CSRP1: variants seen among roughly 807,000 people sequenced by gnomAD.
The protein encoded by CSRP1 is cysteine and glycine-rich protein 1.
CSRP1 carries 16 observed loss-of-function variants against 25.4 expected under a neutral mutation model. The ratio of observed to expected loss-of-function variants is 0.63; its 90% CI spans 0.43 to 0.96. The LOEUF is 0.96. Among genes scored for constraint, CSRP1 ranks in the 40% least tolerant of loss-of-function variants. The pLI is 0.00. For synonymous variants in CSRP1, 97 were observed against 95.3 expected (o/e 1.02, Z -0.10); for missense variants, 212 against 243.6 (o/e 0.87, Z 0.86).
intron 4 of CSRP1, chr1:201,488,301 G>C (rs1477099467): frequency 6.6e-6 from 1 of 152,310 alleles, no homozygotes. Context: ...TGGGGGAAGG[G>C]CATGTGCGGC....
rs375126945 is a variant in CSRP1, at chr1:201,498,004, C to T, written c.-1-1700G>A. On this transcript the variant is annotated intron_variant, in intron 1 of 5. Transcript: ENST00000340006. ...CAGCCCGGACGACAGAGCAAGACTC[C>T]GTCTCAAAAAAAAAAAAGGATAAAA... is the stretch of plus-strand genomic sequence containing the variant. Among the ~76,000 whole-genome samples, 197 of 149,756 alleles carry T rather than the reference C, an allele frequency of 1.3e-3. 1 individual carries two copies. Among genetic ancestry groups the T allele is most frequent in the African/African-American group, 4.7e-3 (192 of 40,644 alleles).
Position 201,492,190 on chromosome 1 carries a change from C to T in CSRP1, c.113-1846G>A, listed in dbSNP as rs1041610559. ...CCAAGACCAGAGAGAAGGCAGAAAG[C>T]AAAGAGTGCTTGGGGGAACAGAGGT... On this transcript the variant is annotated intron_variant, in intron 2 of 5. Transcript: ENST00000340006. The T allele has an allele frequency of 1.1e-4, 17 of 152,270 alleles. 1 individual carries two copies. The highest frequency in any genetic ancestry group is 3.9e-4 in the African/African-American group (16 of 41,452). 9.4% of individuals were successfully genotyped at this position (152,270 alleles called of 1,614,324 possible). A position where few individuals can be genotyped will look rare whatever the true frequency, so the allele number is the denominator to read the frequency against.
chr1:201,504,650 G>T (rs992422673), intron 1 of CSRP1, among the ~76,000 whole-genome samples: 13 of 152,184 alleles, frequency 8.5e-5, no homozygotes, highest in African/African-American at 3.1e-4. Context: ...GATGGACAGT[G>T]AATTAAAAAC....
At chr1:201,503,169 A>G (rs1052722051) in intron 1 of CSRP1, among the ~76,000 whole-genome samples, 1 of 152,192 alleles carries the variant, frequency 6.6e-6, no homozygotes, top group Non-Finnish European at 1.5e-5. Context: ...CTGAAGGTCA[A>G]CACAGGTAGA....
intron 1 of CSRP1, among the ~76,000 whole-genome samples, chr1:201,499,597 A>G (rs1664607118): frequency 7.0e-6 from 1 of 142,072 alleles, no homozygotes; most frequent in African/African-American, 3.1e-5. Flanking sequence ...TATGCATCAG[A>G]TGGCTCATCT....
At chr1:201,499,008 T>C (rs750194347) in intron 1 of CSRP1, among the ~76,000 whole-genome samples, 1 of 152,218 alleles carries the variant, frequency 6.6e-6, no homozygotes, top group Non-Finnish European at 1.5e-5. Context: ...CAGGAATTTC[T>C]GTAACTGCTC....
At position 201,486,632 on chromosome 1, in the gene CSRP1, T is replaced by G. The variant is rs59033205; in HGVS notation, c.412-1256A>C. On this transcript the variant is annotated intron_variant, in intron 4 of 5. Transcript: ENST00000340006. ...CAAGCTCTCTAGGCTGGAGAAAAAC[T>G]GAATCACACCTAGACCAACACCTCT... is the stretch of plus-strand genomic sequence containing the variant. 5.7e-3 allele frequency: 5,763 copies of G among 1,007,506 alleles called. 257 individuals carry two copies. The African/African-American group carries it at 0.093, about 16-fold the overall frequency. The allele number at this position is 1,007,506 out of a possible 1,614,324, so 62.4% of individuals were successfully genotyped here. A position where few individuals can be genotyped will look rare whatever the true frequency, so the allele number is the denominator to read the frequency against.
At chr1:201,500,647 T>C (rs927733070) in intron 1 of CSRP1, among the ~76,000 whole-genome samples, 9 of 152,202 alleles carry the variant, frequency 5.9e-5, no homozygotes, top group African/African-American at 2.2e-4. Context: ...GTGGATGAGG[T>C]CCTGTCCCCC....
In CSRP1 at chr1:201,484,677, G is replaced by T; in HGVS notation, c.*36C>A. 1 of 1,571,524 alleles carries T rather than the reference G, an allele frequency of 6.4e-7. No individual in the cohort carries two copies. The highest frequency in any genetic ancestry group is 1.8e-5 in the Admixed American group (1 of 56,162). ...TGGGAATGGAATGGCGATGAAAAGC[G>T]CAGGAGTGGGCAGGGTGTGGTGGGT... On this transcript the variant is annotated 3_prime_UTR_variant, in exon 6 of 6. Transcript: ENST00000340006.
At chr1:201,499,288 T>G (rs1316672690) in intron 1 of CSRP1, among the ~76,000 whole-genome samples, 2 of 152,190 alleles carry the variant, frequency 1.3e-5, no homozygotes, top group Admixed American at 1.3e-4. Context: ...AAAACCCCGA[T>G]TTTATTCAGG....
At chr1:201,501,091 C>T (rs1371933464) in intron 1 of CSRP1, among the ~76,000 whole-genome samples, 1 of 152,106 alleles carries the variant, frequency 6.6e-6, no homozygotes, top group South Asian at 2.1e-4. Flanking sequence ...TAAAATGGAC[C>T]GTATATGGAC....
chr1:201,505,127 A>G (rs1264210404), intron 1 of CSRP1, among the ~76,000 whole-genome samples: 1 of 152,138 alleles, frequency 6.6e-6, no homozygotes, highest in Non-Finnish European at 1.5e-5. Flanking sequence ...AAGCCCAAAA[A>G]AAACCTACGC....
rs185103312 is a variant in CSRP1 at position 201,505,356 on chromosome 1, C to T, written c.-2+1714G>A. Among the ~76,000 whole-genome samples the T allele has an allele frequency of 6.8e-4, 104 of 152,328 alleles. No homozygotes were observed. The East Asian group carries it at 0.012, about 18-fold the overall frequency. On this transcript the variant is annotated intron_variant, in intron 1 of 5. Coordinates refer to ENST00000340006, the MANE Select transcript of CSRP1 (RefSeq NM_004078.3). ...CTCACTAGCTCCAGAGGCAGATGCA[C>T]ATGTGTGCAATTAAAAGAGCAAACA... is the stretch of plus-strand genomic sequence containing the variant.
intron 2 of CSRP1, among the ~76,000 whole-genome samples, chr1:201,494,827 C>T (rs76933573): frequency 3.2e-5 from 4 of 126,776 alleles, no homozygotes; most frequent in South Asian, 2.5e-4. Flanking sequence ...CAGCAGTGTG[C>T]GTGTGTGTGT....
At chr1:201,495,368 G>A (rs891276473) in intron 2 of CSRP1, among the ~76,000 whole-genome samples, 1 of 152,184 alleles carries the variant, frequency 6.6e-6, no homozygotes, top group African/African-American at 2.4e-5. Flanking sequence ...GTGACAGAGT[G>A]AGACTCTGTC....
intron 2 of CSRP1, among the ~76,000 whole-genome samples, chr1:201,495,000 C>G (rs1664465206): frequency 6.6e-6 from 1 of 152,164 alleles, no homozygotes; most frequent in Admixed American, 6.5e-5. Flanking sequence ...AAAACTCAAC[C>G]AGAGAGAAAC....
chr1:201,485,368 A>G lies in CSRP1; in HGVS notation c.420T>C (p.His140=). ...ACTTGGCACATCGAAAGCAGGCCTT[A>G]TGCCAGGACTAGGCAGGGAAGGAAA... is the stretch of plus-strand genomic sequence containing the variant. ...EKVIGAGKSW[H]KACFRCAKCG... is the part of the protein sequence containing the mutation. Residue 140 remains histidine, a synonymous_variant, in exon 5 of 6, where the codon CAT becomes CAC. Transcript: ENST00000340006. 1 of 1,614,144 alleles carries G rather than the reference A, an allele frequency of 6.2e-7. No individual in the cohort carries two copies. The highest frequency in any genetic ancestry group is 8.5e-7 in the Non-Finnish European group (1 of 1,179,988).
rs527933732 is a variant in CSRP1 at position 201,494,712 on chromosome 1, G to GT, written c.112+1479dup. 4.2e-3 allele frequency among the ~76,000 whole-genome samples: 633 copies of GT among 152,288 alleles called. 2 individuals carry two copies. Among genetic ancestry groups the GT allele is most frequent in the African/African-American group, 0.014 (596 of 41,554 alleles). ...CACAAATCATGAAACTTTGCTTCGT[G>GT]TAATGCAGAACAGACAGGACCCCAT... On this transcript the variant is annotated intron_variant, in intron 2 of 5. Transcript: ENST00000340006.
chr1:201,485,320 G>T lies in CSRP1; in HGVS notation c.468C>A (p.Thr156=). 1 of 1,614,192 alleles carries T rather than the reference G, an allele frequency of 6.2e-7. No homozygotes were observed. The highest frequency in any genetic ancestry group is 2.2e-5 in the East Asian group (1 of 44,886). The change falls in exon 5 of 6, where the codon ACC becomes ACA. Residue 156 remains threonine, a synonymous_variant. Coordinates refer to ENST00000340006, the MANE Select transcript of CSRP1 (RefSeq NM_004078.3). ...TCTCGCCATCCTTGTCTGCCAGGGT[G>T]GTTGACTCAAGGCCTTTGCCACACT... ...CAKCGKGLES[T]TLADKDGEIY... is the part of the protein sequence containing the mutation.
Sources: allele counts gnomAD v4.1 joint callset (sites outside exome capture counted in the v4.1 genomes callset), GRCh38; gene constraint gnomAD v4.1.1; transcripts MANE v1.5; gene names NCBI Gene and HGNC (gene_info 2026-07-23, HGNC 2026-07-21).